The following RAD54B variants were observed in gnomAD, a reference collection of about 807,000 sequenced individuals.
RAD54B encodes the protein DNA repair and recombination protein RAD54B.
RAD54B carries 78 observed loss-of-function variants against 95.8 expected under a neutral mutation model. The observed-to-expected ratio is 0.81, with a 90% CI of 0.68 to 0.98. The LOEUF is 0.98. Among genes scored for constraint, RAD54B ranks in the 50% least tolerant of loss-of-function variants. RAD54B has a pLI of 0.00. For missense variants in RAD54B, 957 were observed against 1,056.6 expected, an observed-to-expected ratio of 0.91 and a Z score of 1.31; for synonymous variants, 328 against 354.9, an observed-to-expected ratio of 0.92 and a Z score of 0.85.
chr8:94,384,902 G>C (rs796900790), intron 11 of RAD54B, among the ~76,000 whole-genome samples: 20 of 152,246 alleles, frequency 1.3e-4, no homozygotes, highest in African/African-American at 4.8e-4. Flanking sequence ...CAGGAGTTAA[G>C]AGACCAGCCT....
At chr8:94,406,841 A>G (rs2130026970) in intron 5 of RAD54B, among the ~76,000 whole-genome samples, 1 of 152,290 alleles carries the variant, frequency 6.6e-6, no homozygotes, top group East Asian at 1.9e-4. Flanking sequence ...CTTTAGGCCC[A>G]ACCCATAAAA....
At position 94,404,140 on chromosome 8, in the gene RAD54B, T is replaced by G; in HGVS notation, c.881A>C (p.Tyr294Ser). The G allele has an allele frequency of 1.9e-6, 3 of 1,611,096 alleles. No homozygotes were observed. Among genetic ancestry groups the G allele is most frequent in the Non-Finnish European group, 2.5e-6 (3 of 1,177,834 alleles). ...TTCTTTCTGATGTGGTCGAAGATGA[T>G]ATACAAGGTAAGGATCAATCACTAC... ...VDVVIDPYLV[Y>S]HLRPHQKEGI... Residue 294 changes from tyrosine to serine, a missense_variant, in exon 6 of 15, where the codon TAT becomes TCT. Transcript: ENST00000336148.
chr8:94,448,402 A>G (rs1812572133), intron 3 of RAD54B, among the ~76,000 whole-genome samples: 1 of 152,158 alleles, frequency 6.6e-6, no homozygotes, highest in Non-Finnish European at 1.5e-5. Context: ...TGCAGCCATT[A>G]TGGAGGTTCT....
In RAD54B at chr8:94,422,587, C is replaced by CAAA. The variant is rs60701725; in HGVS notation, c.305-11275_305-11273dup. Among the ~76,000 whole-genome samples, 85 of 14,288 alleles carry CAAA rather than the reference C, an allele frequency of 5.9e-3. 31 individuals carry two copies. The highest frequency in any genetic ancestry group is 0.016 in the East Asian group (3 of 188). 9.4% of individuals were successfully genotyped at this position (14,288 alleles called of 152,430 possible). ...TGGACGATAGAGCGAGACTTCGTCTCAAAAAAAAAAAAAAAAAAAAAAAAA... is the reference window on the plus strand; with the variant it reads ...TGGACGATAGAGCGAGACTTCGTCTCAAAAAAAAAAAAAAAAAAAAAAAAAAAA... On this transcript the variant is annotated intron_variant, in intron 3 of 14. Transcript: ENST00000336148.
At chr8:94,427,706 C>A (rs780962317) in intron 3 of RAD54B, 36 of 983,062 alleles carry the variant, frequency 3.7e-5, no homozygotes, top group Non-Finnish European at 4.0e-5. Context: ...AAAAAAAGTA[C>A]ACAAATCAGT....
rs542975911 is a variant in RAD54B at position 94,390,446 on chromosome 8, G to C, written c.1809+1163C>G. On this transcript the variant is annotated intron_variant, in intron 10 of 14. Transcript: ENST00000336148. ...ACGTGGGAGGTGGAGGTTGCAGTGA[G>C]CCAAGATCATGCCATTGCACTCCAG... Among the ~76,000 whole-genome samples the C allele has an allele frequency of 2.2e-4, 34 of 151,344 alleles. No homozygotes were observed. In the East Asian group the frequency reaches 6.4e-3, roughly 28 times the overall value.
chr8:94,431,473 G>A (rs1043050308), intron 3 of RAD54B: 33 of 982,326 alleles, frequency 3.4e-5, no homozygotes, highest in Non-Finnish European at 3.9e-5. Flanking sequence ...GAATGTTTTA[G>A]TGGATATTTA....
intron 2 of RAD54B, among the ~76,000 whole-genome samples, chr8:94,461,155 C>T (rs909865993): frequency 7.5e-6 from 1 of 133,326 alleles, no homozygotes; most frequent in African/African-American, 2.7e-5. Context: ...ATTATAAATA[C>T]TCATCTTTTT....
chr8:94,374,111 C>A (rs1180398024), intron 14 of RAD54B, among the ~76,000 whole-genome samples: 1 of 152,142 alleles, frequency 6.6e-6, no homozygotes, highest in African/African-American at 2.4e-5. Context: ...AACCCCGTCT[C>A]TACTAAAAAC....
intron 3 of RAD54B, among the ~76,000 whole-genome samples, chr8:94,418,928 T>G (rs986877214): frequency 5.3e-5 from 8 of 152,214 alleles, no homozygotes; most frequent in African/African-American, 1.9e-4. Context: ...TTGGCAGAAA[T>G]GATATCTCCT....
chr8:94,428,250 A>G, intron 3 of RAD54B: 1 of 946,830 alleles, frequency 1.1e-6, no homozygotes, highest in Non-Finnish European at 1.3e-6. Context: ...TTAAAAAACA[A>G]AATCACTCTT....
rs1467382638 is a variant in RAD54B at position 94,399,463 on chromosome 8, T to A, written c.1329A>T (p.Thr443=). 1.9e-6 allele frequency: 3 copies of A among 1,613,568 alleles called. No individual in the cohort carries two copies. Among genetic ancestry groups the A allele is most frequent in the Non-Finnish European group, 1.7e-6 (2 of 1,179,708 alleles). ...GHRLKNSAIK[T]TTALISLSCE... is the part of the protein sequence containing the mutation. ...AAGAAAGGCTAATGAGGGCTGTAGT[T>A]GTCTTAATGGCACTGTTCTTCAAAC... The change falls in exon 8 of 15, where the codon ACA becomes ACT. Residue 443 remains threonine (T), a synonymous_variant. Coordinates refer to ENST00000336148, the MANE Select transcript of RAD54B (RefSeq NM_012415.3).
chr8:94,386,576 T>TTG (rs764988413), intron 11 of RAD54B, among the ~76,000 whole-genome samples: 83 of 138,548 alleles, frequency 6.0e-4, no homozygotes, highest in East Asian at 3.6e-3. Flanking sequence ...CATGGTATGG[T>TTG]TGTGTGTGTG....
intron 4 of RAD54B, among the ~76,000 whole-genome samples, chr8:94,410,356 T>G (rs150214927): frequency 6.6e-6 from 1 of 152,216 alleles, no homozygotes; most frequent in African/African-American, 2.4e-5. Context: ...ACTGTATTAT[T>G]GCTTCCTAAT....
chr8:94,442,855 C>G (rs1372215989), intron 3 of RAD54B, among the ~76,000 whole-genome samples: 2 of 152,138 alleles, frequency 1.3e-5, no homozygotes, highest in Non-Finnish European at 2.9e-5. Context: ...CTCTTTCCCC[C>G]CAGAGCTATA....
At chr8:94,406,618 G>A (rs1441551274) in intron 5 of RAD54B, among the ~76,000 whole-genome samples, 3 of 152,130 alleles carry the variant, frequency 2.0e-5, no homozygotes, top group Admixed American at 1.3e-4. Flanking sequence ...GTGAAGAGAC[G>A]AATCTAAATG....
At chr8:94,443,644 C>G (rs966613267) in intron 3 of RAD54B, among the ~76,000 whole-genome samples, 1 of 151,952 alleles carries the variant, frequency 6.6e-6, no homozygotes, top group Non-Finnish European at 1.5e-5. Context: ...TTACTGAGCA[C>G]TAATTAGAGC....
intron 3 of RAD54B, among the ~76,000 whole-genome samples, chr8:94,414,291 C>T (rs1396849142): frequency 2.0e-5 from 3 of 152,188 alleles, no homozygotes; most frequent in African/African-American, 7.2e-5. Context: ...ATTTGACTTA[C>T]TCTTTTCCTA....
chr8:94,417,701 T>C (rs1402933700), intron 3 of RAD54B, among the ~76,000 whole-genome samples: 2 of 151,576 alleles, frequency 1.3e-5, no homozygotes, highest in Non-Finnish European at 2.9e-5. Context: ...AGAAGACATA[T>C]GTCTGGAAAA....
Sources: gnomAD v4.1 joint callset for allele counts (sites outside exome capture counted in the v4.1 genomes callset) on GRCh38, gnomAD v4.1.1 for gene constraint, MANE v1.5 for transcripts, NCBI Gene and HGNC (gene_info 2026-07-23, HGNC 2026-07-21) for gene names.